The following CYP2A7 variants were observed in gnomAD, a reference collection of about 807,000 sequenced individuals.
CYP2A7 encodes the protein cytochrome P450 2A7.
A neutral mutation model predicts 42.0 loss-of-function variants in CYP2A7; 36 were observed. The observed-to-expected ratio is 0.86, with a 90% CI of 0.66 to 1.13. The LOEUF is 1.13. CYP2A7 is among the 50% of genes most tolerant of loss of function. The pLI, the probability that CYP2A7 is intolerant of heterozygous loss-of-function variation, is 0.00. For missense variants in CYP2A7, 661 were observed against 634.1 expected, an observed-to-expected ratio of 1.04 and a Z score of -0.46; for synonymous variants, 260 against 249.5, an observed-to-expected ratio of 1.04 and a Z score of -0.40.
At chr19:40,878,441 A>G (rs147261284) in intron 5 of CYP2A7, among the ~76,000 whole-genome samples, 2,885 of 151,858 alleles carry the variant, frequency 0.019, 105 homozygotes, top group African/African-American at 0.066. Context: ...GCTGGAGTGC[A>G]GTGCCGTGAT....
At chr19:40,880,046 G>T in intron 4 of CYP2A7, 38 bp downstream of exon 4, 1 of 1,606,532 alleles carries the variant, frequency 6.2e-7, no homozygotes. Flanking sequence ...TTGGCAGGTT[G>T]TGGTAGGGGC....
At chr19:40,881,319 C>T (rs145320730) in intron 2 of CYP2A7, among the ~76,000 whole-genome samples, 5 of 150,782 alleles carry the variant, frequency 3.3e-5, no homozygotes, top group East Asian at 2.0e-4. Context: ...AGGATGTCCT[C>T]AGAGATGGAG....
chr19:40,881,814 C>G (rs548435565), intron 1 of CYP2A7, 63 bp from the exon 2 acceptor site: 4 of 1,593,478 alleles, frequency 2.5e-6, no homozygotes, highest in Non-Finnish European at 3.4e-6. Context: ...GGCCCAGCAC[C>G]GAGATGTCAA....
At position 40,880,581 on chromosome 19, in the gene CYP2A7, C is replaced by G. The variant is rs3815708; in HGVS notation, c.391G>C (p.Ala131Pro). 7.2e-7 allele frequency: 1 copy of G among 1,397,158 alleles called. No homozygotes were observed. 86.5% of individuals were successfully genotyped at this position (1,397,158 alleles called of 1,614,324 possible). The change falls in exon 3 of 9, where the codon GCC (alanine) becomes CCC (proline). Residue 131 changes from alanine to proline, a missense_variant. This residue lies in a region of CYP2A7 where 614 missense variants were observed against 552.4 expected (regional missense o/e 1.11). Coordinates refer to ENST00000301146, the MANE Select transcript of CYP2A7 (RefSeq NM_000764.3). ...CCGAAGTCCCTCAGGGTGGCGATGG[C>G]AAAGCGCAGGAGCTGCTTGGCGCGC... ...GERAKQLLRFAIATLRDFGVG... is the reference protein window; with the variant it reads ...GERAKQLLRFPIATLRDFGVG...
In CYP2A7 at chr19:40,875,821, A is replaced by G. The variant is rs745774442; in HGVS notation, c.1357T>C (p.Phe453Leu). Residue 453 changes from phenylalanine to leucine, a missense_variant, in exon 9 of 9, where the codon TTC (phenylalanine) becomes CTC (leucine). By Grantham distance (22) the Phe-to-Leu change is conservative (BLOSUM62 0). Transcript: ENST00000301146. The stretch of plus-strand genomic sequence containing the variant: ...CGGAAGTTCTGCATGACGGTGGTGA[A>G]GAAGAGAAAGAGCTCCATTCTGGCC... ...GLARMELFLF[F>L]TTVMQNFRLK... 7 of 1,593,738 alleles carry G rather than the reference A, an allele frequency of 4.4e-6. No individual in the cohort carries two copies. Among genetic ancestry groups the G allele is most frequent in the East Asian group, 4.5e-5 (2 of 44,660 alleles).
chr19:40,878,950 G>A lies in CYP2A7; in HGVS notation c.655-14C>T. ...CATCTCATAGAGCTGGGGTTGCAGA[G>A]AGAGGATGGGAAGGGAAGGACAGCT... is the stretch of plus-strand genomic sequence containing the variant. On this transcript the variant is annotated splice_polypyrimidine_tract_variant and intron_variant, in intron 4 of 8. Coordinates refer to ENST00000301146, the MANE Select transcript of CYP2A7 (RefSeq NM_000764.3). 2 of 1,602,258 alleles carry A rather than the reference G, an allele frequency of 1.2e-6. No individual in the cohort carries two copies. The highest frequency in any genetic ancestry group is 1.1e-5 in the South Asian group (1 of 90,162).
intron 4 of CYP2A7, among the ~76,000 whole-genome samples, chr19:40,879,792 A>T (rs548667509): frequency 6.6e-6 from 1 of 151,070 alleles, no homozygotes; most frequent in Admixed American, 6.6e-5. Context: ...GGTAGGGAGC[A>T]TCTGTTAGAA....
rs770865995 is a variant in CYP2A7 at position 40,878,795 on chromosome 19, C to G, written c.796G>C (p.Asp266His). 3.7e-6 allele frequency: 6 copies of G among 1,611,662 alleles called. 1 individual carries two copies. The highest frequency in any genetic ancestry group is 4.5e-5 in the East Asian group (2 of 44,886). ...QRTLDPNSPQ[D>H]FIDSFLIHMQ... The stretch of plus-strand genomic sequence containing the variant: ...TGGATGAGAAAGGAGTCGATGAAGT[C>G]CTGTGGGGAATTGGGATCCAGCGTG... Residue 266 changes from aspartate (D) to histidine (H), a missense_variant, in exon 5 of 9, where the codon GAC becomes CAC. Asp to His is a moderately conservative substitution (Grantham distance 81). This residue lies in a region of CYP2A7 where 614 missense variants were observed against 552.4 expected (regional missense o/e 1.11). Coordinates refer to ENST00000301146, the MANE Select transcript of CYP2A7 (RefSeq NM_000764.3).
chr19:40,881,481 G>C, intron 2 of CYP2A7, 108 bp downstream of exon 2: 1 of 1,559,904 alleles, frequency 6.4e-7, no homozygotes, highest in Non-Finnish European at 8.7e-7. Context: ...GACCAGACCG[G>C]GGGTTCTGCC....
chr19:40,881,976 C>T, intron 1 of CYP2A7, 55 bp downstream of exon 1: 2 of 1,578,714 alleles, frequency 1.3e-6, no homozygotes, highest in Non-Finnish European at 1.7e-6. Context: ...CCACAAAGCC[C>T]CAGCCAACTA....
chr19:40,877,931 G>A lies in CYP2A7; in HGVS notation c.894C>T (p.Leu298=), dbSNP rs1422502720. 3 of 1,612,714 alleles carry A rather than the reference G, an allele frequency of 1.9e-6. No homozygotes were observed. Among genetic ancestry groups the A allele is most frequent in the Non-Finnish European group, 1.7e-6 (2 of 1,179,106 alleles). ...LKNLMMSTLN[L]FIAGTETVST... ...TGACCGTCTCGGTGCCTGCAATGAA[G>A]AGGTTCAACGTGCTCATCATCAGGT... is the stretch of plus-strand genomic sequence containing the variant. Residue 298 remains leucine (L), a synonymous_variant, in exon 6 of 9, where the codon CTC becomes CTT. Coordinates refer to ENST00000301146, the MANE Select transcript of CYP2A7 (RefSeq NM_000764.3).
chr19:40,877,075 T>A (rs1397338627), intron 7 of CYP2A7, 115 bp downstream of exon 7: 18 of 1,233,866 alleles, frequency 1.5e-5, no homozygotes, highest in Non-Finnish European at 2.1e-5. Context: ...GAAGTCCTTT[T>A]TGACTGATTG....
chr19:40,880,977 G>A (rs1357941017), intron 2 of CYP2A7, among the ~76,000 whole-genome samples: 1 of 150,996 alleles, frequency 6.6e-6, no homozygotes, highest in Non-Finnish European at 1.5e-5. Context: ...AGTGGGGAGA[G>A]AAAGAGAGAG....
At chr19:40,878,113 G>A (rs928750532) in intron 5 of CYP2A7, 120 bp from the exon 6 acceptor site, 1 of 1,149,654 alleles carries the variant, frequency 8.7e-7, no homozygotes, top group African/African-American at 1.5e-5. Flanking sequence ...AGGGACCCTA[G>A]ATCTACCAGA....
rs373592664 is a variant in CYP2A7 at position 40,877,911 on chromosome 19, G to A, written c.914C>T (p.Thr305Met). The A allele has an allele frequency of 2.2e-5, 36 of 1,612,458 alleles. No homozygotes were observed. Among genetic ancestry groups the A allele is most frequent in the Admixed American group, 8.4e-5 (5 of 59,792 alleles). Reference sequence around the variant, plus strand: ...GCCATAGCGCAGGGTGGTGCTGACCGTCTCGGTGCCTGCAATGAAGAGGTT... The same window carrying A: ...GCCATAGCGCAGGGTGGTGCTGACCATCTCGGTGCCTGCAATGAAGAGGTT... ...TLNLFIAGTE[T>M]VSTTLRYGFL... The change falls in exon 6 of 9, where the codon ACG (threonine) becomes ATG (methionine). Residue 305 changes from threonine to methionine, a missense_variant. Physicochemically the swap from Thr to Met is moderately conservative, Grantham distance 81 (BLOSUM62 -1). This residue lies in a region of CYP2A7 where 614 missense variants were observed against 552.4 expected (regional missense o/e 1.11). Coordinates refer to ENST00000301146, the MANE Select transcript of CYP2A7 (RefSeq NM_000764.3).
chr19:40,880,809 G>GAGAGAGAGAGAA (rs1407418478), intron 2 of CYP2A7, among the ~76,000 whole-genome samples, 181 bp from the exon 3 acceptor site: 2 of 7,894 alleles, frequency 2.5e-4, no homozygotes, highest in African/African-American at 6.8e-4. Context: ...GAGAGAGAGA[G>GAGAGAGAGAGAA]AGAGAGAGAG....
chr19:40,875,684 A>G lies in CYP2A7; in HGVS notation c.*9T>C, dbSNP rs1408335632. On this transcript the variant is annotated 3_prime_UTR_variant, in exon 9 of 9. Coordinates refer to ENST00000301146, the MANE Select transcript of CYP2A7 (RefSeq NM_000764.3). ...CCGCCCACCAGACCTGCACCGGCAC[A>G]GCCCTCGCTCAGCGGGGCAGGAAGC... The G allele has an allele frequency of 3.2e-5, 51 of 1,610,816 alleles. 1 individual carries two copies. The highest frequency in any genetic ancestry group is 4.3e-5 in the Non-Finnish European group (51 of 1,178,212).
intron 2 of CYP2A7, 60 bp from the exon 3 acceptor site, chr19:40,880,688 C>G (rs536079563): frequency 1.3e-6 from 2 of 1,556,002 alleles, no homozygotes; most frequent in East Asian, 4.6e-5. Context: ...AGGAGCGGAC[C>G]AGTTCCAAGG....
chr19:40,880,798 GGAGAGAGAGA>G lies in CYP2A7; in HGVS notation c.344-180_344-171del, dbSNP rs1171374070. 1.1e-3 allele frequency among the ~76,000 whole-genome samples: 31 copies of G among 27,436 alleles called. 2 individuals carry two copies. Among genetic ancestry groups the G allele is most frequent in the East Asian group, 6.7e-3 (8 of 1,186 alleles). The allele number at this position is 27,436 out of a possible 152,430, so 18.0% of individuals were successfully genotyped here. A position where few individuals can be genotyped will look rare whatever the true frequency, so the allele number is the denominator to read the frequency against. ...GCAAACTCAGTCAGAGAAACACGAG[GGAGAGAGAGA>G]GAGAGAGAGAGAGAGAGAGAGAGAG... is the stretch of plus-strand genomic sequence containing the variant. On this transcript the variant is annotated intron_variant, in intron 2 of 8. Transcript: ENST00000301146.
Sources: allele counts gnomAD v4.1 joint callset (sites outside exome capture counted in the v4.1 genomes callset), GRCh38; gene constraint gnomAD v4.1.1; regional missense constraint gnomAD v4.1.1; transcripts MANE v1.5; gene names NCBI Gene and HGNC (gene_info 2026-07-23, HGNC 2026-07-21).